Variants in RIMS1 observed in about 807,000 individuals in gnomAD.
RIMS1 encodes the protein regulating synaptic membrane exocytosis protein 1.
Under a neutral mutation model 214.1 loss-of-function variants are expected in RIMS1, and 83 were observed. The ratio of observed to expected loss-of-function variants is 0.39; its 90% CI spans 0.32 to 0.47. RIMS1 has a LOEUF of 0.47. Among genes scored for constraint, RIMS1 ranks in the 20% least tolerant of loss-of-function variants. The pLI, the probability that RIMS1 is intolerant of heterozygous loss-of-function variation, is 0.99. For synonymous variants in RIMS1, 793 were observed against 786.8 expected, an observed-to-expected ratio of 1.01 and a Z score of -0.13; for missense variants, 2,050 against 2,161.8, an observed-to-expected ratio of 0.95 and a Z score of 1.03.
At chr6:71,964,272 T>C (rs1202526147) in intron 1 of RIMS1, among the ~76,000 whole-genome samples, 1 of 152,140 alleles carries the variant, frequency 6.6e-6, no homozygotes, top group Non-Finnish European at 1.5e-5. Flanking sequence ...GGATTAGTGA[T>C]GGGAGTCCTG....
At chr6:72,026,286 C>T (rs1816444498) in intron 2 of RIMS1, among the ~76,000 whole-genome samples, 1 of 152,078 alleles carries the variant, frequency 6.6e-6, no homozygotes, top group Non-Finnish European at 1.5e-5. Context: ...CTACTTTCCA[C>T]CTCAGATTTA....
At chr6:72,085,759 TA>T (rs1240878799) in intron 2 of RIMS1, among the ~76,000 whole-genome samples, 1 of 152,140 alleles carries the variant, frequency 6.6e-6, no homozygotes. Context: ...ACAAGCCCCT[TA>T]GATAATTCTA....
At chr6:72,119,604 C>G (rs1035660815) in intron 4 of RIMS1, among the ~76,000 whole-genome samples, 1 of 151,614 alleles carries the variant, frequency 6.6e-6, no homozygotes, top group Non-Finnish European at 1.5e-5. Context: ...TAAAAATAGA[C>G]CAGTGGAACA....
chr6:72,338,183 T>C (rs1369832769), intron 29 of RIMS1, among the ~76,000 whole-genome samples: 3 of 151,812 alleles, frequency 2.0e-5, no homozygotes, highest in Non-Finnish European at 2.9e-5. Flanking sequence ...TCCACAATGG[T>C]TGAACTAGTT....
intron 1 of RIMS1, among the ~76,000 whole-genome samples, chr6:71,951,750 A>C (rs1371420359): frequency 6.6e-6 from 1 of 151,382 alleles, no homozygotes; most frequent in Non-Finnish European, 1.5e-5. Flanking sequence ...CCCCTGCCTC[A>C]AATCCCAGCA....
In RIMS1 at chr6:72,400,887, C is replaced by T; in HGVS notation, c.*173C>T. 1 of 570,974 alleles carries T rather than the reference C, an allele frequency of 1.8e-6. No individual in the cohort carries two copies. Among genetic ancestry groups the T allele is most frequent in the East Asian group, 2.8e-5 (1 of 35,398 alleles). The allele number at this position is 570,974 out of a possible 1,614,324, so 35.4% of individuals were successfully genotyped here. A position where few individuals can be genotyped will look rare whatever the true frequency, so the allele number is the denominator to read the frequency against. On this transcript the variant is annotated 3_prime_UTR_variant, in exon 34 of 34. Transcript: ENST00000521978. ...TTATTTAAAACATGGCTTCATATGA[C>T]AGAACAAGGCAATCTATCAAATTTA... is the stretch of plus-strand genomic sequence containing the variant.
chr6:72,094,383 GC>G (rs1196415893), intron 2 of RIMS1, among the ~76,000 whole-genome samples: 1 of 152,052 alleles, frequency 6.6e-6, no homozygotes, highest in Non-Finnish European at 1.5e-5. Context: ...AGTGGTCAGT[GC>G]CCTGCCTGTA....
At chr6:72,028,866 G>A (rs892738611) in intron 2 of RIMS1, among the ~76,000 whole-genome samples, 1 of 152,116 alleles carries the variant, frequency 6.6e-6, no homozygotes, top group Admixed American at 6.6e-5. Context: ...CCTTCTGTGT[G>A]CTCATCTTTC....
At chr6:72,146,433 A>T (rs2042763964) in intron 4 of RIMS1, among the ~76,000 whole-genome samples, 4 of 152,202 alleles carry the variant, frequency 2.6e-5, no homozygotes, top group Admixed American at 2.6e-4. Flanking sequence ...CCCATTTTTT[A>T]AATAAAACCT....
chr6:71,972,953 C>A (rs570909522), intron 2 of RIMS1, among the ~76,000 whole-genome samples: 2 of 152,084 alleles, frequency 1.3e-5, no homozygotes, highest in Non-Finnish European at 2.9e-5. Context: ...TCTTGCTCTG[C>A]CACCCAGGCT....
chr6:72,071,974 G>T (rs1015048629), intron 2 of RIMS1, among the ~76,000 whole-genome samples: 34 of 152,068 alleles, frequency 2.2e-4, no homozygotes, highest in Non-Finnish European at 7.4e-5. Context: ...AAGCCAAAAG[G>T]GTAATGCCAG....
In RIMS1 at chr6:72,179,747, G is replaced by C; in HGVS notation, c.644G>C (p.Arg215Pro). ...GAAAAGAAAGCACGACTCCAAGAGC[G>C]ATCGCGGTCTCAGACACCCCTAAGC... Reference protein sequence around the residue: ...PREKKARLQERSRSQTPLSTA... With the variant: ...PREKKARLQEPSRSQTPLSTA... Residue 215 changes from arginine (R) to proline (P), a missense_variant, in exon 5 of 34, where the codon CGA becomes CCA. By Grantham distance (103) the Arg-to-Pro change is moderately radical. Around this residue, in one of 6 missense-constraint regions of RIMS1, gnomAD observed 882 missense variants for 828.9 expected, o/e 1.06. Transcript: ENST00000521978. 1 of 1,613,830 alleles carries C rather than the reference G, an allele frequency of 6.2e-7. No homozygotes were observed. The highest frequency in any genetic ancestry group is 2.2e-5 in the East Asian group (1 of 44,852).
At chr6:71,945,590 T>C (rs1258943906) in intron 1 of RIMS1, among the ~76,000 whole-genome samples, 1 of 152,130 alleles carries the variant, frequency 6.6e-6, no homozygotes, top group African/African-American at 2.4e-5. Flanking sequence ...GAAACCTTTT[T>C]TCCTAAGATC....
chr6:71,978,100 G>C (rs1388603271), intron 2 of RIMS1, among the ~76,000 whole-genome samples: 2 of 152,148 alleles, frequency 1.3e-5, no homozygotes, highest in Non-Finnish European at 2.9e-5. Flanking sequence ...AGGGAGAACA[G>C]AGAAGAGGAA....
At chr6:72,355,084 A>C (rs1035037702) in intron 29 of RIMS1, among the ~76,000 whole-genome samples, 2 of 152,228 alleles carry the variant, frequency 1.3e-5, no homozygotes, top group African/African-American at 4.8e-5. Flanking sequence ...GAGTGAATAC[A>C]TGCATTTTGT....
intron 6 of RIMS1, among the ~76,000 whole-genome samples, chr6:72,230,238 A>G (rs968979954): frequency 4.0e-5 from 6 of 151,768 alleles, no homozygotes; most frequent in Non-Finnish European, 5.9e-5. Flanking sequence ...CTGTGAGCCA[A>G]TCTTAGAATT....
chr6:72,195,996 G>A (rs758953780), intron 6 of RIMS1, among the ~76,000 whole-genome samples: 1 of 151,990 alleles, frequency 6.6e-6, no homozygotes, highest in African/African-American at 2.4e-5. Flanking sequence ...CAGCATGGGG[G>A]ACACCGCCCC....
intron 1 of RIMS1, among the ~76,000 whole-genome samples, chr6:71,946,202 G>T (rs1273345036): frequency 1.3e-5 from 2 of 152,158 alleles, no homozygotes; most frequent in East Asian, 3.8e-4. Flanking sequence ...CTGTGTTCAT[G>T]GGTTGGAATG....
At chr6:72,255,595 A>G (rs2154146377) in intron 16 of RIMS1, among the ~76,000 whole-genome samples, 1 of 152,316 alleles carries the variant, frequency 6.6e-6, no homozygotes, top group South Asian at 2.1e-4. Context: ...TAAAGTAAAT[A>G]ATTTTAGCTA....
Sources: allele counts gnomAD v4.1 joint callset (sites outside exome capture counted in the v4.1 genomes callset), GRCh38; gene constraint gnomAD v4.1.1; regional missense constraint gnomAD v4.1.1; transcripts MANE v1.5; gene names NCBI Gene and HGNC (gene_info 2026-07-23, HGNC 2026-07-21).